ZSCAN5C: variants seen among roughly 807,000 people sequenced by gnomAD.
ZSCAN5C encodes the protein zinc finger and SCAN domain containing 5C.
A neutral mutation model predicts 17.3 loss-of-function variants in ZSCAN5C; 11 were observed. That is an observed-to-expected ratio of 0.64 (90% CI 0.40 to 1.06). ZSCAN5C has a LOEUF of 1.06. Among genes scored for constraint, ZSCAN5C ranks in the 50% least tolerant of loss-of-function variants. The pLI is 0.00. For missense variants in ZSCAN5C, 698 were observed against 538.9 expected (o/e 1.30, Z -2.92); for synonymous variants, 229 against 208.4 (o/e 1.10, Z -0.85).
At chr19:56,205,179 G>A (rs2032907945) in intron 1 of ZSCAN5C, among the ~76,000 whole-genome samples, 1 of 151,788 alleles carries the variant, frequency 6.6e-6, no homozygotes, top group South Asian at 2.1e-4. Flanking sequence ...GCACAACATG[G>A]TGCATGTCTT....
chr19:56,205,711 T>G (rs925134617), intron 1 of ZSCAN5C, 76 bp from the exon 2 acceptor site: 13 of 540,734 alleles, frequency 2.4e-5, no homozygotes, highest in Non-Finnish European at 4.3e-5. Flanking sequence ...GGGTCTGGGA[T>G]TGGGATGAGG....
chr19:56,209,187 C>A, exon 5 of ZSCAN5C: 1 of 852,434 alleles, frequency 1.2e-6, no homozygotes, highest in Non-Finnish European at 1.9e-6. Flanking sequence ...CATCGAGAAG[C>A]CACTTCACAG....
rs548610547 is a variant in ZSCAN5C, at chr19:56,205,658, G to T, written c.-127-129G>T. 1.2e-5 allele frequency: 5 copies of T among 431,552 alleles called. No individual in the cohort carries two copies. In the South Asian group the frequency reaches 2.2e-4, roughly 19 times the overall value. 26.7% of individuals were successfully genotyped at this position (431,552 alleles called of 1,614,324 possible). ...TAGACACTGGAAGAATAACAGAGTG[G>T]ATTGATTTCCACGGTGCTGAGTCCA... is the stretch of plus-strand genomic sequence containing the variant. On this transcript the variant is annotated intron_variant, in intron 1 of 4. Coordinates refer to ENST00000534327, the Ensembl canonical transcript of ZSCAN5C.
chr19:56,208,061 A>C (rs748885026), exon 4 of ZSCAN5C: 2 of 752,708 alleles, frequency 2.7e-6, no homozygotes, highest in Non-Finnish European at 4.9e-6. Context: ...GCCAGAGACT[A>C]CTGTCATGAA....
intron 1 of ZSCAN5C, among the ~76,000 whole-genome samples, chr19:56,202,700 C>T (rs1210585501): frequency 1.3e-5 from 2 of 151,948 alleles, no homozygotes; most frequent in Non-Finnish European, 2.9e-5. Flanking sequence ...ACTACAGGCA[C>T]TTGCCACCAT....
downstream of ZSCAN5C, chr19:56,209,423 G>A: frequency 2.1e-6 from 1 of 467,236 alleles, no homozygotes; most frequent in Admixed American, 3.8e-5. Flanking sequence ...TTGTGTTGCT[G>A]TTCTTTCAAT....
intron 1 of ZSCAN5C, among the ~76,000 whole-genome samples, chr19:56,204,058 G>T (rs572122149): frequency 1.3e-5 from 2 of 151,812 alleles, no homozygotes; most frequent in Non-Finnish European, 2.9e-5. Context: ...CTGTGCAGAT[G>T]TGTTACATGA....
chr19:56,208,834 G>C (rs759754579), exon 5 of ZSCAN5C: 7 of 1,557,884 alleles, frequency 4.5e-6, no homozygotes, highest in Non-Finnish European at 6.2e-6. Flanking sequence ...CCGTCCACAC[G>C]AGATCACACA....
In ZSCAN5C at chr19:56,202,937, T is replaced by C. The variant is rs140901908; in HGVS notation, c.-128+615T>C. On this transcript the variant is annotated intron_variant, in intron 1 of 4. Coordinates refer to ENST00000534327, the Ensembl canonical transcript of ZSCAN5C. ...CATTGATGAATGGGCATCAACCTAC[T>C]AGGCCAATGAGAATCTGCACTAAGT... is the stretch of plus-strand genomic sequence containing the variant. 3.5e-3 allele frequency among the ~76,000 whole-genome samples: 530 copies of C among 152,116 alleles called. 3 individuals are homozygous for C. Among genetic ancestry groups the C allele is most frequent in the Middle Eastern group, 0.027 (8 of 294 alleles).
chr19:56,204,752 CTT>C (rs2032903817), intron 1 of ZSCAN5C, among the ~76,000 whole-genome samples: 1 of 151,994 alleles, frequency 6.6e-6, no homozygotes, highest in East Asian at 1.9e-4. Flanking sequence ...CTACCAGTGA[CTT>C]TTCCCAAGAC....
exon 3 of ZSCAN5C, chr19:56,207,174 C>G (rs1351213023): frequency 7.7e-6 from 6 of 778,446 alleles, no homozygotes; most frequent in Non-Finnish European, 1.4e-5. Flanking sequence ...CAGCGGACCT[C>G]CTCTGTGAAC....
exon 5 of ZSCAN5C, chr19:56,209,113 C>G (rs776580386): frequency 9.6e-6 from 15 of 1,568,642 alleles, no homozygotes; most frequent in South Asian, 2.2e-5. Flanking sequence ...AGAAACCCCA[C>G]AAATGTTCCA....
intron 3 of ZSCAN5C, among the ~76,000 whole-genome samples, chr19:56,207,676 T>C (rs118032025): frequency 0.037 from 5,665 of 151,794 alleles, 403 homozygotes; most frequent in East Asian, 0.23. Flanking sequence ...TCCGGACACA[T>C]GGCCATGTCT....
rs986295620 is a variant in ZSCAN5C, at chr19:56,206,925, G to T, written c.385-134G>T. On this transcript the variant is annotated intron_variant, in intron 2 of 4. Transcript: ENST00000534327. ...TAGAAAAGAAAAAAGTTCACACAGA[G>T]CTGATTCTGCATCGGGAAGGCAGAT... is the stretch of plus-strand genomic sequence containing the variant. The T allele has an allele frequency of 3.6e-5, 22 of 602,988 alleles. No individual in the cohort carries two copies. In the South Asian group the frequency reaches 4.1e-4, roughly 11 times the overall value. The allele number at this position is 602,988 out of a possible 1,614,324, so 37.4% of individuals were successfully genotyped here. A position where few individuals can be genotyped will look rare whatever the true frequency, so the allele number is the denominator to read the frequency against.
chr19:56,203,905 G>T (rs553040658), intron 1 of ZSCAN5C, among the ~76,000 whole-genome samples: 1,692 of 151,730 alleles, frequency 0.011, 80 homozygotes, highest in African/African-American at 0.039. Context: ...CATCTCAGCC[G>T]TCCAACGTGC....
exon 5 of ZSCAN5C, chr19:56,208,694 G>A (rs1294850262): frequency 1.2e-6 from 2 of 1,612,784 alleles, no homozygotes; most frequent in Admixed American, 3.3e-5. Context: ...GGGACAAGCT[G>A]AGATCAATCC....
intron 4 of ZSCAN5C, 111 bp from the exon 5 acceptor site, chr19:56,208,338 A>C: frequency 2.6e-6 from 2 of 767,092 alleles, no homozygotes; most frequent in African/African-American, 1.8e-5. Flanking sequence ...CCAATGTCTT[A>C]GGTTTAAGGT....
intron 1 of ZSCAN5C, among the ~76,000 whole-genome samples, chr19:56,204,361 A>G (rs2032899813): frequency 6.6e-6 from 1 of 151,070 alleles, no homozygotes; most frequent in African/African-American, 2.5e-5. Context: ...TTTCCCCCGA[A>G]TCCTCACCAA....
At chr19:56,205,451 A>G (rs969557281) in intron 1 of ZSCAN5C, among the ~76,000 whole-genome samples, 5 of 151,996 alleles carry the variant, frequency 3.3e-5, no homozygotes, top group African/African-American at 9.7e-5. Context: ...GAAAACATAA[A>G]GAATTGACAT....
Sources: allele counts gnomAD v4.1 joint callset (sites outside exome capture counted in the v4.1 genomes callset), GRCh38; gene constraint gnomAD v4.1.1; transcripts MANE v1.5; gene names NCBI Gene and HGNC (gene_info 2026-07-23, HGNC 2026-07-21).